The following PACRG variants were observed in gnomAD, a reference collection of about 807,000 sequenced individuals.
The protein encoded by PACRG is parkin coregulated.
PACRG carries 29 observed loss-of-function variants against 29.7 expected under a neutral mutation model. The observed-to-expected ratio is 0.98, with a 90% CI of 0.73 to 1.33. The LOEUF (loss-of-function observed/expected upper bound fraction) is 1.33, where lower values mean the gene tolerates loss of function less well. Among genes scored for constraint, PACRG ranks in the 40% most tolerant of loss-of-function variants. The probability of loss-of-function intolerance (pLI) is 0.00; values close to 1 mark genes in which losing one functional copy is unlikely to be tolerated. For synonymous variants in PACRG, 116 were observed against 118.7 expected, an observed-to-expected ratio of 0.98 and a Z score of 0.15; for missense variants, 279 against 316.2, an observed-to-expected ratio of 0.88 and a Z score of 0.89.
In PACRG at chr6:163,181,949, C is replaced by T. The variant is rs138673178; in HGVS notation, c.613+92541C>T. Among the ~76,000 whole-genome samples the T allele has an allele frequency of 7.0e-3, 1,069 of 152,240 alleles. 4 individuals carry two copies. Among genetic ancestry groups the T allele is most frequent in the Middle Eastern group, 0.041 (12 of 294 alleles). On this transcript the variant is annotated intron_variant, in intron 4 of 4. Coordinates refer to ENST00000366888, the MANE Select transcript of PACRG (RefSeq NM_001080379.2). ...TATTCACAGCAGCTTTGTCATTGAC[C>T]GTTCTCCCTTTTGGACGAGATCTGA...
chr6:163,256,662 C>T (rs1783119893), intron 4 of PACRG, among the ~76,000 whole-genome samples: 3 of 152,164 alleles, frequency 2.0e-5, no homozygotes, highest in Admixed American at 2.0e-4. Flanking sequence ...TGAAGGAGGC[C>T]AGTGCCCGAG....
At chr6:162,921,831 A>C (rs1797086813) in intron 2 of PACRG, among the ~76,000 whole-genome samples, 2 of 152,162 alleles carry the variant, frequency 1.3e-5, no homozygotes, top group Admixed American at 6.5e-5. Context: ...AATTAATTGA[A>C]GGAAAACAGA....
intron 1 of PACRG, among the ~76,000 whole-genome samples, chr6:162,737,569 G>A (rs954156182): frequency 1.3e-5 from 2 of 152,074 alleles, no homozygotes; most frequent in African/African-American, 4.8e-5. Flanking sequence ...TATTTGAGAG[G>A]AATTTTTAAC....
rs531415082 is a variant in PACRG at position 163,100,454 on chromosome 6, G to C, written c.613+11046G>C. ...GGACACCTTCAGGCTGCTCGAGAGG[G>C]TTCCAGCTGCCAGGTCAGGAGCAGA... On this transcript the variant is annotated intron_variant, in intron 4 of 4. Coordinates refer to ENST00000366888, the MANE Select transcript of PACRG (RefSeq NM_001080379.2). Among the ~76,000 whole-genome samples the C allele has an allele frequency of 8.6e-4, 131 of 152,288 alleles. 1 individual carries two copies. Among genetic ancestry groups the C allele is most frequent in the African/African-American group, 3.1e-3 (129 of 41,566 alleles).
intron 4 of PACRG, among the ~76,000 whole-genome samples, chr6:163,254,279 C>G (rs1783021874): frequency 6.6e-6 from 1 of 152,034 alleles, no homozygotes; most frequent in Non-Finnish European, 1.5e-5. Context: ...CCATGAATGA[C>G]CAAAAATATG....
intron 1 of PACRG, among the ~76,000 whole-genome samples, chr6:162,733,300 CAT>C (rs1425737102): frequency 2.6e-5 from 4 of 152,158 alleles, no homozygotes; most frequent in African/African-American, 9.7e-5. Context: ...CATTTCTGCT[CAT>C]GTTTTATCTC....
chr6:162,942,538 ATAG>A (rs1400829054), intron 2 of PACRG, among the ~76,000 whole-genome samples: 1 of 152,182 alleles, frequency 6.6e-6, no homozygotes, highest in Non-Finnish European at 1.5e-5. Context: ...TCAAAATATT[ATAG>A]TGTTTTTCCA....
intron 2 of PACRG, among the ~76,000 whole-genome samples, chr6:163,014,248 A>G (rs1269573623): frequency 6.6e-6 from 1 of 152,092 alleles, no homozygotes; most frequent in East Asian, 1.9e-4. Context: ...TCTTTATCCA[A>G]TTCACCACTG....
intron 2 of PACRG, among the ~76,000 whole-genome samples, chr6:162,823,734 C>T (rs756199506): frequency 5.9e-5 from 9 of 152,016 alleles, no homozygotes; most frequent in Non-Finnish European, 1.2e-4. Context: ...AAGATGGTCT[C>T]GATCTCCTGA....
At chr6:162,785,039 T>G (rs542798348) in intron 1 of PACRG, among the ~76,000 whole-genome samples, 1 of 152,142 alleles carries the variant, frequency 6.6e-6, no homozygotes, top group African/African-American at 2.4e-5. Flanking sequence ...AAACTTCTCA[T>G]TGGGAAAACA....
At chr6:163,203,986 A>G (rs1333555882) in intron 4 of PACRG, among the ~76,000 whole-genome samples, 1 of 152,252 alleles carries the variant, frequency 6.6e-6, no homozygotes, top group Non-Finnish European at 1.5e-5. Flanking sequence ...AATAGACTGC[A>G]CATGCAAATA....
In PACRG at chr6:163,144,233, C is replaced by CAAA. The variant is rs754157729; in HGVS notation, c.613+54839_613+54841dup. On this transcript the variant is annotated intron_variant, in intron 4 of 4. Coordinates refer to ENST00000366888, the MANE Select transcript of PACRG (RefSeq NM_001080379.2). ...GACAGAGTGAGACTCCGTCTCAAAA[C>CAAA]AAAAAAAAAAAAAAAAGGGAAAAGT... is the stretch of plus-strand genomic sequence containing the variant. Among the ~76,000 whole-genome samples, 5 of 101,980 alleles carry CAAA rather than the reference C, an allele frequency of 4.9e-5. 1 individual carries two copies. The highest frequency in any genetic ancestry group is 3.1e-4 in the East Asian group (1 of 3,188). The allele number at this position is 101,980 out of a possible 152,430, so 66.9% of individuals were successfully genotyped here. A position where few individuals can be genotyped will look rare whatever the true frequency, so the allele number is the denominator to read the frequency against.
intron 4 of PACRG, among the ~76,000 whole-genome samples, chr6:163,175,443 G>A (rs1779298283): frequency 1.3e-5 from 2 of 151,458 alleles, no homozygotes; most frequent in Non-Finnish European, 2.9e-5. Flanking sequence ...GCTGGGGGGA[G>A]TGGTTAAAGG....
At position 163,067,136 on chromosome 6, in the gene PACRG, T is replaced by A. The variant is rs483277; in HGVS notation, c.463+4815T>A. On this transcript the variant is annotated intron_variant, in intron 3 of 4. Transcript: ENST00000366888. The stretch of plus-strand genomic sequence containing the variant: ...CACCAACCCAAGTGAACAGCCTTCC[T>A]GCTGTAGCACCGCTTCCCAAGCTTC... Among the ~76,000 whole-genome samples, 1,483 of 151,968 alleles carry A rather than the reference T, an allele frequency of 9.8e-3. 18 individuals carry two copies. The highest frequency in any genetic ancestry group is 0.029 in the African/African-American group (1,181 of 41,404).
At chr6:162,922,557 T>C (rs1797141901) in intron 2 of PACRG, among the ~76,000 whole-genome samples, 1 of 151,934 alleles carries the variant, frequency 6.6e-6, no homozygotes, top group South Asian at 2.1e-4. Context: ...AGCCCCTCCT[T>C]ATTTCCCCCC....
At chr6:163,105,311 C>A (rs889676793) in intron 4 of PACRG, among the ~76,000 whole-genome samples, 2 of 151,956 alleles carry the variant, frequency 1.3e-5, no homozygotes. Flanking sequence ...TAAAAACCTG[C>A]GAGACACAAT....
chr6:162,971,916 C>A (rs1245025560), intron 2 of PACRG, among the ~76,000 whole-genome samples: 2 of 152,158 alleles, frequency 1.3e-5, no homozygotes, highest in Admixed American at 6.5e-5. Context: ...TCTCCTCCTT[C>A]CTTGTGTCTC....
At chr6:163,263,163 G>GCCCC (rs59588360) in intron 4 of PACRG, among the ~76,000 whole-genome samples, 45,900 of 148,924 alleles carry the variant, frequency 0.31, 7,222 homozygotes, top group East Asian at 0.4. Context: ...GTATCTTACA[G>GCCCC]ACCCCAGGAG....
At chr6:162,865,745 C>T (rs959580948) in intron 2 of PACRG, among the ~76,000 whole-genome samples, 4 of 152,002 alleles carry the variant, frequency 2.6e-5, no homozygotes, top group Admixed American at 6.6e-5. Flanking sequence ...CAGAAAGGCT[C>T]GAATTAACTG....
Sources: gnomAD v4.1 joint callset for allele counts (sites outside exome capture counted in the v4.1 genomes callset) on GRCh38, gnomAD v4.1.1 for gene constraint, MANE v1.5 for transcripts, NCBI Gene and HGNC (gene_info 2026-07-23, HGNC 2026-07-21) for gene names.